Variants in LRP11 observed in about 807,000 individuals in gnomAD.
LRP11 encodes low-density lipoprotein receptor-related protein 11.
In LRP11, 25 loss-of-function variants were observed where a neutral mutation model predicts 43.1. The observed-to-expected ratio is 0.58, with a 90% CI of 0.42 to 0.81. The LOEUF is 0.81. Ranked by LOEUF, LRP11 falls within the 30% of genes least tolerant of loss-of-function variation. The pLI, the probability that LRP11 is intolerant of heterozygous loss-of-function variation, is 0.00. For missense variants in LRP11, 623 were observed against 665.1 expected (o/e 0.94, Z 0.70); for synonymous variants, 316 against 299.4 (o/e 1.06, Z -0.57).
At chr6:149,853,290 T>C in intron 1 of LRP11, 130 bp from the exon 2 acceptor site, 1 of 710,936 alleles carries the variant, frequency 1.4e-6, no homozygotes, top group Non-Finnish European at 2.1e-6. Flanking sequence ...TAAATGGAAA[T>C]TATTTTTCTA....
chr6:149,836,241 T>A lies in LRP11; in HGVS notation c.1096A>T (p.Thr366Ser). 6.2e-7 allele frequency: 1 copy of A among 1,614,190 alleles called. No homozygotes were observed. Among genetic ancestry groups the A allele is most frequent in the Middle Eastern group, 1.6e-4 (1 of 6,062 alleles). ...CCTGCATCTTCACTCGGCCCTGTGGTTCTTGGCAGGGCAGGACTAGCTGCC... is the reference window on the plus strand; with the variant it reads ...CCTGCATCTTCACTCGGCCCTGTGGATCTTGGCAGGGCAGGACTAGCTGCC... ...HTAASPALPR[T>S]TGPSEDAGGD... Residue 366 changes from threonine to serine, a missense_variant, in exon 5 of 7, where the codon ACC becomes TCC. Thr to Ser is a moderately conservative substitution (Grantham distance 58). Coordinates refer to ENST00000239367, the MANE Select transcript of LRP11 (RefSeq NM_032832.6).
At chr6:149,859,571 T>G (rs1776860441) in intron 1 of LRP11, among the ~76,000 whole-genome samples, 1 of 151,458 alleles carries the variant, frequency 6.6e-6, no homozygotes, top group African/African-American at 2.4e-5. Context: ...AATTTTTCTA[T>G]TTTTAGTACA....
intron 3 of LRP11, among the ~76,000 whole-genome samples, 185 bp from the exon 4 acceptor site, chr6:149,837,648 G>A (rs1562439863): frequency 6.6e-6 from 1 of 152,242 alleles, no homozygotes; most frequent in South Asian, 2.1e-4. Context: ...TGAGCCTCCC[G>A]ACTTAATTCT....
At position 149,836,087 on chromosome 6, in the gene LRP11, G is replaced by A. The variant is rs764319395; in HGVS notation, c.1250C>T (p.Pro417Leu). The A allele has an allele frequency of 1.2e-6, 2 of 1,613,280 alleles. No homozygotes were observed. Among genetic ancestry groups the A allele is most frequent in the South Asian group, 1.1e-5 (1 of 91,026 alleles). ...GAGAACCCACCGTGAATCCTTACCT[G>A]GCATCACAGGAATGATTTGACTCTC... ...GPESQIIPVM[P>L]DSSSSGKNRK... Residue 417 changes from proline to leucine, a missense_variant and splice_region_variant, in exon 5 of 7, where the codon CCA (proline) becomes CTA (leucine). By Grantham distance (98) the Pro-to-Leu change is moderately conservative (BLOSUM62 -3). Coordinates refer to ENST00000239367, the MANE Select transcript of LRP11 (RefSeq NM_032832.6).
chr6:149,834,091 C>T (rs1776441764), intron 5 of LRP11, among the ~76,000 whole-genome samples: 1 of 152,156 alleles, frequency 6.6e-6, no homozygotes, highest in Admixed American at 6.6e-5. Context: ...GTGTTCTCAT[C>T]ATTCGGCTTC....
At chr6:149,833,202 G>A (rs2115380880) in intron 5 of LRP11, among the ~76,000 whole-genome samples, 1 of 152,310 alleles carries the variant, frequency 6.6e-6, no homozygotes. Flanking sequence ...CTCCCAAAGT[G>A]CTGAGATTAC....
chr6:149,862,936 GGGACCAGAAGTTTTCCTCCCATT>G (rs1390640228), intron 1 of LRP11, among the ~76,000 whole-genome samples: 1 of 152,052 alleles, frequency 6.6e-6, no homozygotes, highest in Admixed American at 6.5e-5. Context: ...TTTTATAAAA[GGGACCAGAAGTTTTCCTCCCATT>G]TTTGTATGAT....
chr6:149,828,564 C>A (rs1406881906), intron 5 of LRP11, among the ~76,000 whole-genome samples: 1 of 151,800 alleles, frequency 6.6e-6, no homozygotes, highest in African/African-American at 2.4e-5. Context: ...TCTCAGCTCA[C>A]TGCAGCCTCG....
At chr6:149,858,072 T>C (rs982584633) in intron 1 of LRP11, among the ~76,000 whole-genome samples, 2 of 152,194 alleles carry the variant, frequency 1.3e-5, no homozygotes, top group African/African-American at 4.8e-5. Context: ...TTATTATACT[T>C]AAAAGTTCTA....
chr6:149,822,888 A>T (rs2115369866), intron 6 of LRP11, among the ~76,000 whole-genome samples: 1 of 152,314 alleles, frequency 6.6e-6, no homozygotes, highest in East Asian at 1.9e-4. Context: ...ATCAGCGATC[A>T]GGTGGAATTT....
intron 2 of LRP11, 49 bp downstream of exon 2, chr6:149,852,954 C>T: frequency 6.6e-7 from 1 of 1,505,416 alleles, no homozygotes; most frequent in Non-Finnish European, 9.0e-7. Flanking sequence ...TTACAAAAGA[C>T]CACTTCACTG....
intron 6 of LRP11, 103 bp downstream of exon 6, chr6:149,826,161 T>A: frequency 1.1e-6 from 1 of 893,834 alleles, no homozygotes; most frequent in Middle Eastern, 2.2e-4. Flanking sequence ...GACGGACTCC[T>A]CCTGTCCTGA....
At chr6:149,837,001 C>A (rs1013415808) in intron 4 of LRP11, among the ~76,000 whole-genome samples, 4 of 152,136 alleles carry the variant, frequency 2.6e-5, no homozygotes, top group Non-Finnish European at 5.9e-5. Flanking sequence ...CTTAGCCACA[C>A]CCTGGTGTAT....
At chr6:149,861,858 C>T (rs1399670344) in intron 1 of LRP11, among the ~76,000 whole-genome samples, 1 of 152,182 alleles carries the variant, frequency 6.6e-6, no homozygotes, top group Non-Finnish European at 1.5e-5. Context: ...TGTTCTATGG[C>T]ATATTCTTTC....
intron 5 of LRP11, among the ~76,000 whole-genome samples, chr6:149,832,766 G>GC (rs1251831922): frequency 6.6e-6 from 1 of 151,592 alleles, no homozygotes; most frequent in Non-Finnish European, 1.5e-5. Context: ...GACTACAGGT[G>GC]CCCGCCACCA....
In LRP11 at chr6:149,852,309, T is replaced by C. The variant is rs1361418288; in HGVS notation, c.771+694A>G. On this transcript the variant is annotated intron_variant, in intron 2 of 6. Coordinates refer to ENST00000239367, the MANE Select transcript of LRP11 (RefSeq NM_032832.6). Reference sequence around the variant, plus strand: ...CTTTCTCCACTTCCTCTAACTGAAGTGGTTTGGATGCAGTTTATCTGCCTA... The same window carrying C: ...CTTTCTCCACTTCCTCTAACTGAAGCGGTTTGGATGCAGTTTATCTGCCTA... Among the ~76,000 whole-genome samples, 3 of 152,144 alleles carry C rather than the reference T, an allele frequency of 2.0e-5. No homozygotes were observed. In the East Asian group the frequency reaches 5.8e-4, roughly 29 times the overall value.
chr6:149,835,778 G>A (rs986665629), intron 5 of LRP11, among the ~76,000 whole-genome samples: 2 of 152,066 alleles, frequency 1.3e-5, no homozygotes, highest in Admixed American at 6.6e-5. Context: ...TGGTTATGCT[G>A]TTTCATCTCA....
At position 149,820,701 on chromosome 6, in the gene LRP11, C is replaced by T. The variant is rs958806949; in HGVS notation, c.1351G>A (p.Ala451Thr). The change falls in exon 7 of 7, where the codon GCA (alanine) becomes ACA (threonine). Residue 451 changes from alanine to threonine, a missense_variant and splice_region_variant. Physicochemically the swap from Ala to Thr is moderately conservative, Grantham distance 58. Transcript: ENST00000239367. ...GGEHPAPETG[A>T]VLPLALGLAI... Reference sequence around the variant, plus strand: ...AAACCCAGCGCCAGGGGTAGCACTGCACCTTTGAGAAGGTTAGACATGAAG... The same window carrying T: ...AAACCCAGCGCCAGGGGTAGCACTGTACCTTTGAGAAGGTTAGACATGAAG... 3.8e-6 allele frequency: 3 copies of T among 780,776 alleles called. No individual in the cohort carries two copies. Among genetic ancestry groups the T allele is most frequent in the Non-Finnish European group, 7.2e-6 (3 of 418,068 alleles). The allele number at this position is 780,776 out of a possible 1,614,324, so 48.4% of individuals were successfully genotyped here.
chr6:149,840,308 A>G (rs779309444), intron 3 of LRP11, among the ~76,000 whole-genome samples: 4 of 152,234 alleles, frequency 2.6e-5, no homozygotes, highest in Non-Finnish European at 5.9e-5. Flanking sequence ...CAATATAACC[A>G]CTAAGTGATT....
Sources: gnomAD v4.1 joint callset for allele counts (sites outside exome capture counted in the v4.1 genomes callset) on GRCh38, gnomAD v4.1.1 for gene constraint, MANE v1.5 for transcripts, NCBI Gene and HGNC (gene_info 2026-07-23, HGNC 2026-07-21) for gene names.